Variants in MCM5 observed in about 807,000 individuals in gnomAD.
The protein encoded by MCM5 is minichromosome maintenance complex component 5, also known as DNA replication licensing factor MCM5.
Under a neutral mutation model 79.9 loss-of-function variants are expected in MCM5, and 46 were observed. That is an observed-to-expected ratio of 0.58 (90% CI 0.45 to 0.74). The LOEUF (loss-of-function observed/expected upper bound fraction) is 0.74, where lower values mean the gene tolerates loss of function less well. Ranked by LOEUF, MCM5 falls within the 30% of genes least tolerant of loss-of-function variation. MCM5 has a pLI of 0.00. For missense variants in MCM5, 883 were observed against 1,017.0 expected, an observed-to-expected ratio of 0.87 and a Z score of 1.79; for synonymous variants, 404 against 390.5, an observed-to-expected ratio of 1.03 and a Z score of -0.41.
chr22:35,450,176 G>T, the MCM5 span, among the ~76,000 whole-genome samples: 216 of 152,270 alleles, frequency 1.4e-3, no homozygotes, highest in African/African-American at 4.8e-3. Context: ...AATGGAATCT[G>T]CCTCCTGGGA....
chr22:35,432,331 A>G, the MCM5 span, among the ~76,000 whole-genome samples: 40 of 152,204 alleles, frequency 2.6e-4, no homozygotes, highest in East Asian at 7.5e-3. Flanking sequence ...GTGTGTGGGT[A>G]CCGGGGTGGC....
At chr22:35,418,707 A>ACACT (rs902059159) in intron 13 of MCM5, among the ~76,000 whole-genome samples, 2 of 151,366 alleles carry the variant, frequency 1.3e-5, no homozygotes, top group African/African-American at 2.4e-5. Flanking sequence ...ACACACACAC[A>ACACT]CACTCACTCT....
chr22:35,415,902 A>G lies in MCM5; in HGVS notation c.1277A>G (p.Asn426Ser). Reference sequence around the variant, plus strand: ...GTGATGAGGGACCCTTCGTCCCGGAATTTCATCATGGAGGGCGGAGCCATG... The same window carrying G: ...GTGATGAGGGACCCTTCGTCCCGGAGTTTCATCATGGAGGGCGGAGCCATG... ...ASVMRDPSSR[N>S]FIMEGGAMVL... The change falls in exon 10 of 17, where the codon AAT (asparagine) becomes AGT (serine). Residue 426 changes from asparagine (N) to serine (S), a missense_variant. By Grantham distance (46) the Asn-to-Ser change is conservative. Transcript: ENST00000216122. The G allele has an allele frequency of 6.2e-7, 1 of 1,614,140 alleles. No individual in the cohort carries two copies. The highest frequency in any genetic ancestry group is 8.5e-7 in the Non-Finnish European group (1 of 1,180,020).
chr22:35,422,544 C>G (rs1932723417), intron 15 of MCM5: 1 of 152,424 alleles, frequency 6.6e-6, no homozygotes. Context: ...GAGACACTTG[C>G]TGTCACATGA....
chr22:35,438,449 AT>A, the MCM5 span, among the ~76,000 whole-genome samples: 1 of 150,872 alleles, frequency 6.6e-6, no homozygotes, highest in Non-Finnish European at 1.5e-5. Flanking sequence ...TCATCCATCC[AT>A]CCACATATTC....
chr22:35,406,891 T>C (rs1034353533), intron 5 of MCM5, among the ~76,000 whole-genome samples, 166 bp downstream of exon 5: 2 of 152,232 alleles, frequency 1.3e-5, no homozygotes, highest in Admixed American at 1.3e-4. Context: ...CCTGTGGCTC[T>C]GAGACACCAT....
At chr22:35,423,409 C>T in intron 16 of MCM5, 68 bp downstream of exon 16, 8 of 1,504,538 alleles carry the variant, frequency 5.3e-6, no homozygotes, top group Non-Finnish European at 6.3e-6. Flanking sequence ...TTCCCACCCA[C>T]TCAGCACTGG....
chr22:35,450,358 A>T, the MCM5 span, among the ~76,000 whole-genome samples: 1 of 151,914 alleles, frequency 6.6e-6, no homozygotes, highest in African/African-American at 2.4e-5. Flanking sequence ...ATTAAATGAG[A>T]TCGTGCCTAG....
chr22:35,443,781 G>T, the MCM5 span, among the ~76,000 whole-genome samples: 1 of 152,172 alleles, frequency 6.6e-6, no homozygotes, highest in South Asian at 2.1e-4. Context: ...CTTGTTTGTG[G>T]CTCTGCCTCC....
In MCM5 at chr22:35,416,620, T is replaced by C. The variant is rs1447362937; in HGVS notation, c.1414-18T>C. 6.2e-7 allele frequency: 1 copy of C among 1,605,918 alleles called. No homozygotes were observed. The highest frequency in any genetic ancestry group is 1.7e-5 in the Admixed American group (1 of 59,708). ...CTTTGCCATCTCCTCCCCCTTTTCG[T>C]CGTCTGTCGCCTGTTAGGCTGGGAT... On this transcript the variant is annotated intron_variant, in intron 11 of 16. Transcript: ENST00000216122.
the MCM5 span, among the ~76,000 whole-genome samples, chr22:35,446,465 G>A: frequency 6.6e-6 from 1 of 152,138 alleles, no homozygotes; most frequent in African/African-American, 2.4e-5. Context: ...CCCCATCGCT[G>A]TACCTCCAGC....
intron 2 of MCM5, 114 bp from the exon 3 acceptor site, chr22:35,403,093 A>G: frequency 8.1e-7 from 1 of 1,231,712 alleles, no homozygotes; most frequent in Non-Finnish European, 1.2e-6. Flanking sequence ...AGGAATGGTG[A>G]GGTCATGGTG....
intron 4 of MCM5, among the ~76,000 whole-genome samples, chr22:35,405,594 C>T (rs367743632): frequency 3.3e-5 from 5 of 152,064 alleles, no homozygotes; most frequent in African/African-American, 9.6e-5. Flanking sequence ...CTCGAACTCC[C>T]GATCTCAAGT....
the MCM5 span, among the ~76,000 whole-genome samples, chr22:35,454,235 C>G: frequency 6.6e-6 from 1 of 152,106 alleles, no homozygotes; most frequent in Admixed American, 6.5e-5. Flanking sequence ...CAAGTCTGCA[C>G]GTTCTCTAAG....
chr22:35,441,044 T>G, the MCM5 span, among the ~76,000 whole-genome samples: 24 of 120,108 alleles, frequency 2.0e-4, no homozygotes, highest in Admixed American at 2.8e-4. Context: ...GCAATAAGAG[T>G]GAAACTCTGT....
the MCM5 span, among the ~76,000 whole-genome samples, chr22:35,447,970 C>G: frequency 1.3e-5 from 2 of 152,182 alleles, no homozygotes; most frequent in Non-Finnish European, 2.9e-5. Flanking sequence ...CCAAAAAAAT[C>G]CAGGGGAATG....
chr22:35,425,489 C>G (rs999010490), downstream of MCM5: 1 of 152,166 alleles, frequency 6.6e-6, no homozygotes, highest in East Asian at 1.9e-4. Context: ...TCCTGCAGCT[C>G]AAAGCCCTTT....
chr22:35,420,314 G>A (rs1932663343), intron 14 of MCM5, among the ~76,000 whole-genome samples: 1 of 152,206 alleles, frequency 6.6e-6, no homozygotes, highest in Admixed American at 6.5e-5. Flanking sequence ...AGAGTCTTGG[G>A]TCCCAGCCTC....
At position 35,400,222 on chromosome 22, in the gene MCM5, G is replaced by A. The variant is rs1193939988; in HGVS notation, c.-9+14G>A. 1 of 582,714 alleles carries A rather than the reference G, an allele frequency of 1.7e-6. No individual in the cohort carries two copies. Among genetic ancestry groups the A allele is most frequent in the African/African-American group, 1.9e-5 (1 of 53,360 alleles). The allele number at this position is 582,714 out of a possible 1,614,324, so 36.1% of individuals were successfully genotyped here. A position where few individuals can be genotyped will look rare whatever the true frequency, so the allele number is the denominator to read the frequency against. On this transcript the variant is annotated intron_variant, in intron 1 of 16. Transcript: ENST00000216122. ...GGAAAACCAGAGGTGAGGCTAGTGGGAGTGGGACTGGGACTGGGAGCCAGC... is the reference window on the plus strand; with the variant it reads ...GGAAAACCAGAGGTGAGGCTAGTGGAAGTGGGACTGGGACTGGGAGCCAGC...
Sources: allele counts gnomAD v4.1 joint callset (sites outside exome capture counted in the v4.1 genomes callset), GRCh38; gene constraint gnomAD v4.1.1; transcripts MANE v1.5; gene names NCBI Gene and HGNC (gene_info 2026-07-23, HGNC 2026-07-21).